The following VAV2 variants were observed in gnomAD, a reference collection of about 807,000 sequenced individuals.
VAV2 encodes vav guanine nucleotide exchange factor 2, also known as guanine nucleotide exchange factor VAV2.
Under a neutral mutation model 132.5 loss-of-function variants are expected in VAV2, and 67 were observed. The observed-to-expected ratio is 0.51, with a 90% confidence interval of 0.42 to 0.62. The LOEUF is 0.62. Among genes scored for constraint, VAV2 ranks in the 20% least tolerant of loss-of-function variants. VAV2 has a pLI of 0.00. For synonymous variants in VAV2, 492 were observed against 443.5 expected, an observed-to-expected ratio of 1.11 and a Z score of -1.37; for missense variants, 938 against 1,153.6, an observed-to-expected ratio of 0.81 and a Z score of 2.71.
At chr9:133,915,678 AC>A (rs556525563) in intron 2 of VAV2, among the ~76,000 whole-genome samples, 120 of 151,230 alleles carry the variant, frequency 7.9e-4, no homozygotes, top group African/African-American at 2.7e-3. Flanking sequence ...GCACACACAC[AC>A]AATGCACACG....
chr9:133,912,742 T>C lies in VAV2; in HGVS notation c.321+26361A>G, dbSNP rs1839928391. ...ACTATTAGGGGGGATAGTTGTGTTC[T>C]TTTATTTCTGCACTAAGCTAATAAG... On this transcript the variant is annotated intron_variant, in intron 2 of 29. Transcript: ENST00000371850. This position sits in a 1 kb window ranked among gnomAD's most constrained non-coding sequence, Gnocchi z 4.3. Among the ~76,000 whole-genome samples the C allele has an allele frequency of 6.6e-6, 1 of 152,198 alleles. No homozygotes were observed. Among genetic ancestry groups the C allele is most frequent in the African/African-American group, 2.4e-5 (1 of 41,440 alleles).
At chr9:133,933,308 G>C (rs1840750314) in intron 2 of VAV2, among the ~76,000 whole-genome samples, 2 of 152,270 alleles carry the variant, frequency 1.3e-5, no homozygotes, top group Admixed American at 6.5e-5. Flanking sequence ...GGGTCCCTGT[G>C]AGGGCAAAGA....
At chr9:133,772,889 C>G (rs1287547595) in intron 25 of VAV2, among the ~76,000 whole-genome samples, 1 of 150,306 alleles carries the variant, frequency 6.7e-6, no homozygotes, top group African/African-American at 2.5e-5. Flanking sequence ...GAGCCTACTG[C>G]ACACCCCACA....
chr9:133,862,460 G>A (rs865808255), intron 2 of VAV2, among the ~76,000 whole-genome samples: 2 of 152,232 alleles, frequency 1.3e-5, no homozygotes, highest in African/African-American at 2.4e-5. Context: ...CATTGAAATC[G>A]CACCAAGTAC....
chr9:133,843,704 G>A (rs975323932), intron 3 of VAV2, among the ~76,000 whole-genome samples: 1 of 152,256 alleles, frequency 6.6e-6, no homozygotes, highest in African/African-American at 2.4e-5. Flanking sequence ...TTAGGGGCTG[G>A]AGCAGGCAGC....
intron 1 of VAV2, among the ~76,000 whole-genome samples, chr9:133,963,488 G>T (rs757862278): frequency 1.3e-5 from 2 of 152,202 alleles, no homozygotes; most frequent in Non-Finnish European, 2.9e-5. Context: ...AAGTCGGCCA[G>T]CAGGGTCCAG....
In VAV2 at chr9:133,961,363, C is replaced by G. The variant is rs564337121; in HGVS notation, c.205-22144G>C. ...AAGACACCATGGGCAGTGGAATGAG[C>G]AACGTGCAGTTTTGCACCCAGAAAC... On this transcript the variant is annotated intron_variant, in intron 1 of 29. Coordinates refer to ENST00000371850, the MANE Select transcript of VAV2 (RefSeq NM_001134398.2). This position sits in a 1 kb window ranked among gnomAD's most constrained non-coding sequence, Gnocchi z 4.1. Among the ~76,000 whole-genome samples, 3 of 152,326 alleles carry G rather than the reference C, an allele frequency of 2.0e-5. No homozygotes were observed. The East Asian group carries it at 5.8e-4, about 29-fold the overall frequency.
At chr9:133,976,937 A>C (rs1842531221) in intron 1 of VAV2, among the ~76,000 whole-genome samples, 1 of 152,230 alleles carries the variant, frequency 6.6e-6, no homozygotes, top group Non-Finnish European at 1.5e-5. Flanking sequence ...GAGCAGCTCC[A>C]GGACTCCAGC....
At chr9:133,783,803 C>CCA (rs1164781669) in intron 18 of VAV2, among the ~76,000 whole-genome samples, 1 of 152,058 alleles carries the variant, frequency 6.6e-6, no homozygotes, top group Non-Finnish European at 1.5e-5. Flanking sequence ...CCTCCCTGCC[C>CCA]CACACAGCAT....
At chr9:133,812,981 G>C (rs149106138) in intron 4 of VAV2, among the ~76,000 whole-genome samples, 1 of 152,168 alleles carries the variant, frequency 6.6e-6, no homozygotes, top group South Asian at 2.1e-4. Flanking sequence ...GAGTGGCAGC[G>C]GATGAGCCTG....
At position 133,985,787 on chromosome 9, in the gene VAV2, A is replaced by G. The variant is rs531898945; in HGVS notation, c.204+6288T>C. ...GAATGATGAGGACGAATCAAAAGAC[A>G]CAGGGAAGCAAGCCGGTGTAACACA... On this transcript the variant is annotated intron_variant, in intron 1 of 29. Coordinates refer to ENST00000371850, the MANE Select transcript of VAV2 (RefSeq NM_001134398.2). Among the ~76,000 whole-genome samples, 30 of 152,352 alleles carry G rather than the reference A, an allele frequency of 2.0e-4. No homozygotes were observed. The South Asian group carries it at 6.0e-3, about 31-fold the overall frequency.
At position 133,825,295 on chromosome 9, in the gene VAV2, C is replaced by T. The variant is rs377205131; in HGVS notation, c.449+8977G>A. On this transcript the variant is annotated intron_variant, in intron 4 of 29. Transcript: ENST00000371850. ...CTCCAGTCTCCCCTCCATCCCCACA[C>T]GAGCCTCGGGCCACCAGGGAGGGAC... Among the ~76,000 whole-genome samples, 7 of 152,258 alleles carry T rather than the reference C, an allele frequency of 4.6e-5. No homozygotes were observed. The East Asian group carries it at 7.8e-4, about 17-fold the overall frequency.
chr9:133,898,847 G>A (rs1386021375), intron 2 of VAV2, among the ~76,000 whole-genome samples: 2 of 125,356 alleles, frequency 1.6e-5, no homozygotes, highest in African/African-American at 3.0e-5. Context: ...TTTTTGAGAC[G>A]GAGTCTCGCT....
chr9:133,973,187 T>C (rs964938191), intron 1 of VAV2, among the ~76,000 whole-genome samples: 2 of 152,004 alleles, frequency 1.3e-5, no homozygotes, highest in African/African-American at 2.4e-5. Context: ...CTGCACACAG[T>C]TGAAGAGACC....
chr9:133,807,462 T>A, intron 7 of VAV2, 136 bp from the exon 8 acceptor site: 1 of 838,526 alleles, frequency 1.2e-6, no homozygotes, highest in East Asian at 2.9e-5. Flanking sequence ...GTAGCCTGTG[T>A]TCTGGCCACA....
At chr9:133,936,344 G>A (rs1840908118) in intron 2 of VAV2, among the ~76,000 whole-genome samples, 1 of 150,280 alleles carries the variant, frequency 6.7e-6, no homozygotes. Flanking sequence ...CTGGGCTCAA[G>A]CAACTCTCCT....
chr9:133,930,394 C>CTCCACCCTGCCTCCTGGCT (rs1840641393), intron 2 of VAV2, among the ~76,000 whole-genome samples: 4 of 152,058 alleles, frequency 2.6e-5, no homozygotes, highest in African/African-American at 7.2e-5. Flanking sequence ...GCCTCCTGGC[C>CTCCACCCTGCCTCCTGGCT]TCCACACTGG....
At chr9:133,970,593 G>A (rs1391577469) in intron 1 of VAV2, among the ~76,000 whole-genome samples, 1 of 152,186 alleles carries the variant, frequency 6.6e-6, no homozygotes. Flanking sequence ...AGAGATGGAG[G>A]TGGCTCCTTC....
intron 1 of VAV2, among the ~76,000 whole-genome samples, chr9:133,989,226 C>T (rs573262110): frequency 2.6e-5 from 4 of 151,934 alleles, no homozygotes; most frequent in South Asian, 4.2e-4. Context: ...TCATCCCAGC[C>T]GACTTGGGAG....
Sources: gnomAD v4.1 joint callset for allele counts (sites outside exome capture counted in the v4.1 genomes callset) on GRCh38, gnomAD v4.1.1 for gene constraint, Gnocchi (gnomAD v3.1) non-coding constraint, MANE v1.5 for transcripts, NCBI Gene and HGNC (gene_info 2026-07-23, HGNC 2026-07-21) for gene names.